STK31: variants seen among roughly 807,000 people sequenced by gnomAD.
The protein encoded by STK31 is serine/threonine kinase 31.
A neutral mutation model predicts 129.7 loss-of-function variants in STK31; 89 were observed. The ratio of observed to expected loss-of-function variants is 0.69; its 90% CI spans 0.58 to 0.82. STK31 has a LOEUF of 0.82. Among genes scored for constraint, STK31 ranks in the 40% least tolerant of loss-of-function variants. STK31 has a pLI of 0.00. For synonymous variants in STK31, 448 were observed against 395.3 expected (o/e 1.13, Z -1.58); for missense variants, 1,187 against 1,176.4 (o/e 1.01, Z -0.13).
At position 23,785,590 on chromosome 7, in the gene STK31, T is replaced by C; in HGVS notation, c.2261T>C (p.Ile754Thr). The change falls in exon 18 of 24, where the codon ATA becomes ACA. Residue 754 changes from isoleucine to threonine, a missense_variant. By Grantham distance (89) the Ile-to-Thr change is moderately conservative. Coordinates refer to ENST00000355870, the MANE Select transcript of STK31 (RefSeq NM_031414.5). The part of the protein sequence containing the change: ...PLVRSEVNGQ[I>T]ILLKGYSVDV... Reference sequence around the variant, plus strand: ...GTACGTTCTGAGGTTAATGGGCAGATAATTCTGTTAAAGGTAAGTCTAACT... The same window carrying C: ...GTACGTTCTGAGGTTAATGGGCAGACAATTCTGTTAAAGGTAAGTCTAACT... 1.2e-6 allele frequency: 2 copies of C among 1,613,014 alleles called. No homozygotes were observed. Among genetic ancestry groups the C allele is most frequent in the Non-Finnish European group, 1.7e-6 (2 of 1,179,230 alleles).
At chr7:23,810,074 G>A (rs1217805295) in intron 22 of STK31, among the ~76,000 whole-genome samples, 1 of 152,090 alleles carries the variant, frequency 6.6e-6, no homozygotes, top group Non-Finnish European at 1.5e-5. Context: ...TGTGGTTTAA[G>A]GTCATCTTGT....
chr7:23,763,433 G>A (rs1434201966), intron 11 of STK31, among the ~76,000 whole-genome samples: 1 of 152,156 alleles, frequency 6.6e-6, no homozygotes, highest in African/African-American at 2.4e-5. Flanking sequence ...TTAATTCGGG[G>A]TGAATGAACA....
chr7:23,733,426 G>A (rs1481781291), intron 6 of STK31, among the ~76,000 whole-genome samples: 1 of 148,410 alleles, frequency 6.7e-6, no homozygotes, highest in Non-Finnish European at 1.5e-5. Flanking sequence ...GTGATAGTTG[G>A]TGATTCTTGA....
intron 15 of STK31, among the ~76,000 whole-genome samples, chr7:23,778,961 C>A (rs187229494): frequency 6.6e-6 from 1 of 152,158 alleles, no homozygotes; most frequent in Non-Finnish European, 1.5e-5. Context: ...TTTTTCTCAT[C>A]TTCTTGGATT....
intron 6 of STK31, 124 bp downstream of exon 6, chr7:23,729,373 T>A: frequency 1.1e-6 from 1 of 880,840 alleles, no homozygotes; most frequent in Non-Finnish European, 1.6e-6. Flanking sequence ...AAAATAGGAA[T>A]TATAATTAGA....
chr7:23,793,480 C>G (rs1345110704), intron 22 of STK31, among the ~76,000 whole-genome samples: 2 of 152,132 alleles, frequency 1.3e-5, no homozygotes, highest in Non-Finnish European at 2.9e-5. Flanking sequence ...AAAATATTTG[C>G]AAAACATATA....
chr7:23,749,229 TTGTC>T (rs762728916), intron 8 of STK31, among the ~76,000 whole-genome samples: 19 of 152,232 alleles, frequency 1.2e-4, no homozygotes, highest in Non-Finnish European at 1.9e-4. Context: ...TTTAAATTCA[TTGTC>T]TGATAATTCC....
At chr7:23,821,027 C>G (rs971455717) in intron 23 of STK31, among the ~76,000 whole-genome samples, 1 of 151,956 alleles carries the variant, frequency 6.6e-6, no homozygotes, top group African/African-American at 2.4e-5. Flanking sequence ...TACTGATTTC[C>G]TTTTTATTTT....
At chr7:23,829,147 G>A (rs1026222537) in intron 23 of STK31, among the ~76,000 whole-genome samples, 102 of 151,878 alleles carry the variant, frequency 6.7e-4, no homozygotes, top group African/African-American at 2.1e-3. Context: ...CTGACCTCAC[G>A]TGATGTGCCC....
intron 22 of STK31, among the ~76,000 whole-genome samples, chr7:23,797,075 A>G (rs941026299): frequency 6.6e-6 from 1 of 152,178 alleles, no homozygotes; most frequent in Non-Finnish European, 1.5e-5. Flanking sequence ...TATCCTAAAT[A>G]TTATATGCAC....
chr7:23,829,951 TTTTG>T (rs1257958457), intron 23 of STK31, among the ~76,000 whole-genome samples: 1 of 152,188 alleles, frequency 6.6e-6, no homozygotes, highest in Admixed American at 6.5e-5. Flanking sequence ...TTTTGTATTT[TTTTG>T]TTTGTTTGTT....
At chr7:23,814,109 G>T (rs1353037726) in intron 22 of STK31, among the ~76,000 whole-genome samples, 1 of 141,784 alleles carries the variant, frequency 7.1e-6, no homozygotes, top group Non-Finnish European at 1.5e-5. Context: ...GCTTTCTGTT[G>T]CAGGCTTAGG....
At chr7:23,801,902 C>T (rs752708886) in intron 22 of STK31, among the ~76,000 whole-genome samples, 15 of 152,072 alleles carry the variant, frequency 9.9e-5, no homozygotes, top group Non-Finnish European at 2.1e-4. Context: ...TGTGTCTATC[C>T]GTTTACCAAC....
At chr7:23,745,793 T>TGGG (rs2128087744) in intron 8 of STK31, among the ~76,000 whole-genome samples, 1 of 152,130 alleles carries the variant, frequency 6.6e-6, no homozygotes, top group African/African-American at 2.4e-5. Flanking sequence ...GGTTGTGGGA[T>TGGG]GGGGTAGCCT....
chr7:23,780,662 T>C (rs966339723), intron 15 of STK31, among the ~76,000 whole-genome samples: 1 of 152,210 alleles, frequency 6.6e-6, no homozygotes, highest in Admixed American at 6.5e-5. Flanking sequence ...TTGTCTCAGT[T>C]GAGCAAAGGG....
At chr7:23,716,822 A>G (rs1220009009) in intron 3 of STK31, among the ~76,000 whole-genome samples, 8 of 139,796 alleles carry the variant, frequency 5.7e-5, no homozygotes, top group Non-Finnish European at 1.2e-4. Context: ...TTTTCAAGAC[A>G]GGGTCTCCGT....
chr7:23,783,282 C>T (rs1227461583), intron 16 of STK31, among the ~76,000 whole-genome samples: 1 of 152,142 alleles, frequency 6.6e-6, no homozygotes, highest in African/African-American at 2.4e-5. Context: ...TGTTATAGGT[C>T]CACACTGCTA....
chr7:23,710,559 A>G (rs923144027), intron 1 of STK31: 1 of 1,403,192 alleles, frequency 7.1e-7, no homozygotes, highest in Non-Finnish European at 9.3e-7. Flanking sequence ...AATGATCTCC[A>G]TGAAGACGCG....
chr7:23,788,513 A>T (rs1162072577), intron 21 of STK31, among the ~76,000 whole-genome samples: 1 of 152,050 alleles, frequency 6.6e-6, no homozygotes, highest in Non-Finnish European at 1.5e-5. Flanking sequence ...CTGTTTTTTG[A>T]TTAATAATGT....
Sources: allele counts gnomAD v4.1 joint callset (sites outside exome capture counted in the v4.1 genomes callset), GRCh38; gene constraint gnomAD v4.1.1; transcripts MANE v1.5; gene names NCBI Gene and HGNC (gene_info 2026-07-23, HGNC 2026-07-21).